Variants in CRYBG1 observed in about 807,000 individuals in gnomAD.
CRYBG1 encodes beta/gamma crystallin domain-containing protein 1.
In CRYBG1, 139 loss-of-function variants were observed where a neutral mutation model predicts 189.2. The ratio of observed to expected loss-of-function variants is 0.73; its 90% CI spans 0.64 to 0.85. The LOEUF (loss-of-function observed/expected upper bound fraction) is 0.85. Among genes scored for constraint, CRYBG1 ranks in the 40% least tolerant of loss-of-function variants. CRYBG1 has a pLI of 0.00. For missense variants in CRYBG1, 2,611 were observed against 2,675.8 expected (o/e 0.98, Z 0.53); for synonymous variants, 1,023 against 1,017.1 (o/e 1.01, Z -0.11).
At chr6:106,537,701 C>T (rs1017731273) in intron 8 of CRYBG1, among the ~76,000 whole-genome samples, 6 of 152,192 alleles carry the variant, frequency 3.9e-5, no homozygotes, top group African/African-American at 1.4e-4. Context: ...AGAAAAAGAA[C>T]ATTCCCAGCA....
In CRYBG1 at chr6:106,564,009, T is replaced by A. The variant is rs1774799934; in HGVS notation, c.6301+83T>A. On this transcript the variant is annotated intron_variant, in intron 21 of 21. Coordinates refer to ENST00000633556, the MANE Select transcript of CRYBG1 (RefSeq NM_001371242.2). ...AAAATCTATTCATAACTTTTGAAAA[T>A]GATGAATGTATTATTAGTAGTAACA... 6.8e-5 allele frequency: 95 copies of A among 1,394,508 alleles called. 1 individual carries two copies. In the South Asian group the frequency reaches 1.1e-3, roughly 17 times the overall value. The allele number at this position is 1,394,508 out of a possible 1,614,324, so 86.4% of individuals were successfully genotyped here.
chr6:106,420,237 T>C (rs56131632), intron 1 of CRYBG1, among the ~76,000 whole-genome samples: 17,172 of 152,220 alleles, frequency 0.11, 1,022 homozygotes, highest in East Asian at 0.15. Flanking sequence ...CTGTGCTTTT[T>C]CTAAACGGGG....
intron 16 of CRYBG1, 38 bp from the exon 17 acceptor site, chr6:106,555,730 G>A: frequency 6.2e-7 from 1 of 1,608,910 alleles, no homozygotes; most frequent in Non-Finnish European, 8.5e-7. Context: ...TGCTCAAGTT[G>A]CATATTCTGT....
At chr6:106,493,879 C>T (rs578251546) in intron 2 of CRYBG1, among the ~76,000 whole-genome samples, 1 of 152,192 alleles carries the variant, frequency 6.6e-6, no homozygotes, top group African/African-American at 2.4e-5. Flanking sequence ...ATGGGTTGAT[C>T]TGTGCAGCTA....
At chr6:106,562,382 T>C (rs1218142248) in intron 20 of CRYBG1, among the ~76,000 whole-genome samples, 1 of 152,252 alleles carries the variant, frequency 6.6e-6, no homozygotes, top group African/African-American at 2.4e-5. Context: ...TCAGCAGTTA[T>C]TTCTAACAGA....
At chr6:106,402,724 C>T (rs986933219) in intron 1 of CRYBG1, among the ~76,000 whole-genome samples, 3 of 152,008 alleles carry the variant, frequency 2.0e-5, no homozygotes, top group Non-Finnish European at 2.9e-5. Flanking sequence ...AGAGTCACTC[C>T]GGATCATTCA....
At position 106,539,458 on chromosome 6, in the gene CRYBG1, G is replaced by C. The variant is rs753058355; in HGVS notation, c.4774G>C (p.Gly1592Arg). ...FQGVPFILEP[G>R]EYPDLSFWDT... is the part of the protein sequence containing the mutation. ...GGGTGTTCCTTTCATCCTGGAACCT[G>C]GTGAATACCCTGACTTGTCCTTCTG... Residue 1592 changes from glycine to arginine, a missense_variant, in exon 9 of 22, where the codon GGT becomes CGT. This residue lies in a region of CRYBG1 where 1,622 missense variants were observed against 1,735.0 expected (regional missense o/e 0.93). Transcript: ENST00000633556. 1 of 1,613,918 alleles carries C rather than the reference G, an allele frequency of 6.2e-7. No homozygotes were observed. Among genetic ancestry groups the C allele is most frequent in the Middle Eastern group, 1.6e-4 (1 of 6,062 alleles).
chr6:106,365,689 T>TTTTTTTTTTTTTTTGAGACGGAGTCTC (rs1491250866), intron 1 of CRYBG1, among the ~76,000 whole-genome samples: 6 of 124,342 alleles, frequency 4.8e-5, no homozygotes, highest in African/African-American at 1.7e-4. Context: ...TATTTTTTTT[T>TTTTTTTTTTTTTTTGAGACGGAGTCTC]AAAAAAAGCA....
intron 1 of CRYBG1, among the ~76,000 whole-genome samples, chr6:106,385,864 G>A (rs1266818772): frequency 6.6e-6 from 1 of 152,134 alleles, no homozygotes; most frequent in Non-Finnish European, 1.5e-5. Flanking sequence ...CAATAGTAAA[G>A]AGCTTCTTGG....
intron 1 of CRYBG1, among the ~76,000 whole-genome samples, chr6:106,393,455 C>T (rs1770547681): frequency 6.6e-6 from 1 of 152,200 alleles, no homozygotes; most frequent in Admixed American, 6.5e-5. Context: ...TTCCCAGACT[C>T]CTCTGAACTT....
At chr6:106,457,570 A>G (rs1049648885) in intron 2 of CRYBG1, among the ~76,000 whole-genome samples, 2 of 152,192 alleles carry the variant, frequency 1.3e-5, no homozygotes, top group African/African-American at 2.4e-5. Context: ...TACTAGTGTC[A>G]TCCATCTGGA....
At chr6:106,372,521 G>A (rs1250007865) in intron 1 of CRYBG1, among the ~76,000 whole-genome samples, 1 of 152,090 alleles carries the variant, frequency 6.6e-6, no homozygotes, top group Non-Finnish European at 1.5e-5. Context: ...CAAAATGCTG[G>A]GATTACAGGC....
At chr6:106,393,520 G>A (rs529060598) in intron 1 of CRYBG1, among the ~76,000 whole-genome samples, 1 of 152,294 alleles carries the variant, frequency 6.6e-6, no homozygotes, top group Admixed American at 6.5e-5. Flanking sequence ...CCCTGCATGG[G>A]CAGGGATTGG....
At chr6:106,553,704 G>A (rs74702632) in intron 16 of CRYBG1, 137 bp downstream of exon 16, 22,489 of 671,138 alleles carry the variant, frequency 0.034, 1,161 homozygotes, top group East Asian at 0.17. Context: ...CGTGCTTCGT[G>A]ATATCTGAGT....
At chr6:106,522,564 G>A (rs1773634339) in intron 4 of CRYBG1, among the ~76,000 whole-genome samples, 1 of 152,152 alleles carries the variant, frequency 6.6e-6, no homozygotes, top group Non-Finnish European at 1.5e-5. Flanking sequence ...GGTGAGAAAG[G>A]ACTATGAGAG....
chr6:106,515,053 A>G (rs1773386281), intron 3 of CRYBG1, among the ~76,000 whole-genome samples: 1 of 152,238 alleles, frequency 6.6e-6, no homozygotes, highest in African/African-American at 2.4e-5. Context: ...CTGAAGAGTA[A>G]GAAAAACTAT....
chr6:106,369,117 T>C (rs1769962213), intron 1 of CRYBG1, among the ~76,000 whole-genome samples: 1 of 152,230 alleles, frequency 6.6e-6, no homozygotes, highest in Non-Finnish European at 1.5e-5. Context: ...CATGAAAGCA[T>C]ACATTTTGAC....
chr6:106,390,199 T>C (rs568349136), intron 1 of CRYBG1, among the ~76,000 whole-genome samples: 1 of 152,260 alleles, frequency 6.6e-6, no homozygotes, highest in South Asian at 2.1e-4. Context: ...AAGAAAACTA[T>C]GTTCTGATCA....
At chr6:106,363,360 C>G (rs947181606) in intron 1 of CRYBG1, among the ~76,000 whole-genome samples, 4 of 151,690 alleles carry the variant, frequency 2.6e-5, no homozygotes, top group African/African-American at 9.7e-5. Context: ...CCGTGATGAA[C>G]TTCGTATTAA....
Sources: gnomAD v4.1 joint callset for allele counts (sites outside exome capture counted in the v4.1 genomes callset) on GRCh38, gnomAD v4.1.1 for gene constraint, gnomAD v4.1.1 regional missense constraint, MANE v1.5 for transcripts, NCBI Gene and HGNC (gene_info 2026-07-23, HGNC 2026-07-21) for gene names.